The following DGKZ variants were observed in gnomAD, a reference collection of about 807,000 sequenced individuals.
DGKZ encodes DAG kinase zeta.
Under a neutral mutation model 142.5 loss-of-function variants are expected in DGKZ, and 45 were observed. That is an observed-to-expected ratio of 0.32 (90% CI 0.25 to 0.40). The LOEUF (loss-of-function observed/expected upper bound fraction) is 0.40. Ranked by LOEUF, DGKZ falls within the 10% of genes least tolerant of loss-of-function variation. DGKZ has a pLI of 1.00. For synonymous variants in DGKZ, 442 were observed against 527.0 expected (o/e 0.84, Z 2.21); for missense variants, 755 against 1,306.5 (o/e 0.58, Z 6.51).
intron 1 of DGKZ, chr11:46,365,701 T>A: frequency 1.0e-6 from 1 of 985,444 alleles, no homozygotes; most frequent in East Asian, 1.1e-4. Flanking sequence ...CATTTTGTTA[T>A]AGCTTGGTTT....
intron 1 of DGKZ, among the ~76,000 whole-genome samples, chr11:46,355,594 C>T (rs1445736540): frequency 1.3e-5 from 2 of 152,108 alleles, no homozygotes; most frequent in Non-Finnish European, 2.9e-5. Flanking sequence ...TGGTCAGAGG[C>T]AGATCCTCTG....
chr11:46,370,125 T>G, intron 6 of DGKZ, 116 bp downstream of exon 6: 1 of 1,321,892 alleles, frequency 7.6e-7, no homozygotes. Context: ...AGTCCGGGGC[T>G]GACCCTCAGC....
At chr11:46,379,139 T>TG in intron 28 of DGKZ, 28 bp downstream of exon 28, 1 of 1,611,056 alleles carries the variant, frequency 6.2e-7, no homozygotes, top group Non-Finnish European at 8.5e-7. Context: ...GCCCAGGGCC[T>TG]GGGGCCAAGG....
intron 1 of DGKZ, chr11:46,365,383 C>T: frequency 1.0e-6 from 1 of 985,438 alleles, no homozygotes; most frequent in African/African-American, 1.7e-5. Context: ...TGAGACAGAG[C>T]AGTCGAGCAC....
upstream of DGKZ, among the ~76,000 whole-genome samples, chr11:46,343,800 C>T (rs1940396324): frequency 6.6e-6 from 1 of 152,170 alleles, no homozygotes; most frequent in Non-Finnish European, 1.5e-5. Flanking sequence ...ATGCTATTCT[C>T]CCAGGTAAGT....
intron 1 of DGKZ, chr11:46,365,593 C>G: frequency 6.1e-6 from 6 of 985,322 alleles, no homozygotes; most frequent in Non-Finnish European, 7.2e-6. Context: ...ACATTAGACC[C>G]TCTCTATTTC....
intron 1 of DGKZ, chr11:46,366,557 G>C (rs1224147743): frequency 1.2e-6 from 2 of 1,602,326 alleles, no homozygotes; most frequent in Non-Finnish European, 1.7e-6. Context: ...CACCGTGGGG[G>C]CCCAGCTTCT....
exon 28 of DGKZ, chr11:46,378,998 A>C: frequency 1.9e-6 from 3 of 1,562,136 alleles, no homozygotes; most frequent in Non-Finnish European, 2.6e-6. Context: ...CAGCTCCAGG[A>C]GCTGCACCGA....
chr11:46,367,167 T>A lies in DGKZ; in HGVS notation c.162-124T>A. 1 of 1,245,514 alleles carries A rather than the reference T, an allele frequency of 8.0e-7. No individual in the cohort carries two copies. Among genetic ancestry groups the A allele is most frequent in the Non-Finnish European group, 1.1e-6 (1 of 871,438 alleles). The allele number at this position is 1,245,514 out of a possible 1,614,324, so 77.2% of individuals were successfully genotyped here. ...CAGGGAGCCTCTTAGTGTCTGGGGC[T>A]GCTGGGAGGCTCCTCCGCCCTCCCT... On this transcript the variant is annotated intron_variant, in intron 1 of 30. Coordinates refer to ENST00000527911, the Ensembl canonical transcript of DGKZ. This position sits in a 1 kb window ranked among gnomAD's most constrained non-coding sequence, Gnocchi z 4.1.
exon 1 of DGKZ, chr11:46,333,430 G>A: frequency 6.5e-7 from 1 of 1,527,584 alleles, no homozygotes; most frequent in Non-Finnish European, 8.8e-7. Context: ...ACGGCCGCTG[G>A]GCCCCCGGTG....
chr11:46,366,738 G>T, intron 1 of DGKZ: 1 of 1,552,224 alleles, frequency 6.4e-7, no homozygotes. Flanking sequence ...TACCTGCGCC[G>T]AGCCTCCTCC....
chr11:46,368,253 C>A, intron 4 of DGKZ, 174 bp downstream of exon 4: 1 of 714,542 alleles, frequency 1.4e-6, no homozygotes, highest in Non-Finnish European at 2.5e-6. Context: ...TGGCTCCTCA[C>A]TGATTAGCTG....
intron 1 of DGKZ, among the ~76,000 whole-genome samples, chr11:46,355,400 G>A (rs1266968232): frequency 1.3e-5 from 2 of 151,880 alleles, no homozygotes; most frequent in East Asian, 1.9e-4. Context: ...GAGCCACCGC[G>A]CCCGGCTATT....
At chr11:46,362,485 A>G (rs1942780435) in intron 1 of DGKZ, among the ~76,000 whole-genome samples, 1 of 152,040 alleles carries the variant, frequency 6.6e-6, no homozygotes, top group African/African-American at 2.4e-5. Context: ...GCACAATCAC[A>G]TGCTCTGGTG....
upstream of DGKZ, chr11:46,347,348 G>GCGTC: frequency 5.1e-6 from 5 of 984,770 alleles, no homozygotes; most frequent in Non-Finnish European, 6.0e-6. The surrounding 1 kb of genome is among the most constrained non-coding windows in gnomAD (Gnocchi z 6.4). Flanking sequence ...AGCGCAGCGG[G>GCGTC]CGTCCGGCAG....
chr11:46,379,702 G>C, intron 30 of DGKZ, 129 bp from the exon 31 acceptor site: 4 of 1,273,228 alleles, frequency 3.1e-6, no homozygotes, highest in Non-Finnish European at 4.3e-6. Flanking sequence ...GCCAGCAGGG[G>C]AGGAGCTGGT....
Position 46,347,955 on chromosome 11 carries a change from C to A in DGKZ, c.161+135C>A. ...TGAGTCGGGGAGAGGCTGGCACCGGCGGCACGAGCCGTCTTGGCGTGGGCA... is the reference window on the plus strand; with the variant it reads ...TGAGTCGGGGAGAGGCTGGCACCGGAGGCACGAGCCGTCTTGGCGTGGGCA... On this transcript the variant is annotated intron_variant, in intron 1 of 30. Transcript: ENST00000527911. The surrounding 1 kb of genome is among the most constrained non-coding windows in gnomAD (Gnocchi z 6.4). The A allele has an allele frequency of 8.3e-7, 1 of 1,206,988 alleles. No homozygotes were observed. Among genetic ancestry groups the A allele is most frequent in the South Asian group, 3.0e-5 (1 of 33,454 alleles). 74.8% of individuals were successfully genotyped at this position (1,206,988 alleles called of 1,614,324 possible). A position where few individuals can be genotyped will look rare whatever the true frequency, so the allele number is the denominator to read the frequency against.
chr11:46,378,097 A>AT, intron 25 of DGKZ, 101 bp from the exon 26 acceptor site: 1 of 1,457,360 alleles, frequency 6.9e-7, no homozygotes, highest in Non-Finnish European at 9.4e-7. Flanking sequence ...CAGGCACTCA[A>AT]TAAACTGTGG....
In DGKZ at chr11:46,367,411, A is replaced by G; in HGVS notation, c.270+12A>G. ...CAGTGGACTGGAGCGTGAGTGCCTG[A>G]ACACCCCTGGGTCCCAGACCCTCTG... On this transcript the variant is annotated intron_variant, in intron 2 of 30. Transcript: ENST00000527911. The surrounding 1 kb of genome is among the most constrained non-coding windows in gnomAD (Gnocchi z 4.1). The G allele has an allele frequency of 6.2e-7, 1 of 1,612,058 alleles. No individual in the cohort carries two copies. The highest frequency in any genetic ancestry group is 1.1e-5 in the South Asian group (1 of 91,034).
Sources: allele counts gnomAD v4.1 joint callset (sites outside exome capture counted in the v4.1 genomes callset), GRCh38; gene constraint gnomAD v4.1.1; non-coding constraint Gnocchi (gnomAD v3.1); transcripts MANE v1.5; gene names NCBI Gene and HGNC (gene_info 2026-07-23, HGNC 2026-07-21).